PTPRO: variants seen among roughly 807,000 people sequenced by gnomAD.
The protein encoded by PTPRO is protein tyrosine phosphatase receptor type O, also known as receptor-type tyrosine-protein phosphatase O.
PTPRO carries 62 observed loss-of-function variants against 145.2 expected under a neutral mutation model. The observed-to-expected ratio is 0.43, with a 90% CI of 0.35 to 0.53. The LOEUF is 0.53. PTPRO is among the 20% of genes least tolerant of loss of function. PTPRO has a pLI of 0.01. For synonymous variants in PTPRO, 565 were observed against 514.7 expected, an observed-to-expected ratio of 1.10 and a Z score of -1.32; for missense variants, 1,345 against 1,482.7, an observed-to-expected ratio of 0.91 and a Z score of 1.53.
At chr12:15,550,269 C>A (rs1232147200) in intron 14 of PTPRO, among the ~76,000 whole-genome samples, 1 of 152,040 alleles carries the variant, frequency 6.6e-6, no homozygotes, top group African/African-American at 2.4e-5. Flanking sequence ...TTGAGAAAAT[C>A]GTAAGGAAGA....
intron 11 of PTPRO, among the ~76,000 whole-genome samples, chr12:15,525,550 G>A (rs936202000): frequency 6.6e-6 from 1 of 152,180 alleles, no homozygotes; most frequent in African/African-American, 2.4e-5. Flanking sequence ...CTTGTCTCTA[G>A]AGAGGAAGCT....
chr12:15,486,405 G>C (rs1341237062), intron 2 of PTPRO, among the ~76,000 whole-genome samples: 1 of 152,002 alleles, frequency 6.6e-6, no homozygotes, highest in Non-Finnish European at 1.5e-5. Flanking sequence ...CCACCCTTTT[G>C]CTTTCAGCCT....
chr12:15,459,861 C>T (rs1016206891), intron 1 of PTPRO, among the ~76,000 whole-genome samples: 2 of 152,128 alleles, frequency 1.3e-5, no homozygotes, highest in Non-Finnish European at 2.9e-5. Context: ...AATCACAAAG[C>T]TGGTAAGAGG....
At chr12:15,453,714 C>T (rs1248915421) in intron 1 of PTPRO, among the ~76,000 whole-genome samples, 1 of 152,086 alleles carries the variant, frequency 6.6e-6, no homozygotes, top group Non-Finnish European at 1.5e-5. Flanking sequence ...ACTTTATAGC[C>T]TTTAAAATAG....
At chr12:15,350,363 C>T (rs1937762315) in intron 1 of PTPRO, among the ~76,000 whole-genome samples, 6 of 152,144 alleles carry the variant, frequency 3.9e-5, no homozygotes. Context: ...TACAGCTCTG[C>T]TGCATTAACA....
intron 20 of PTPRO, 131 bp downstream of exon 20, chr12:15,579,074 T>C (rs1007492604): frequency 5.4e-6 from 4 of 740,686 alleles, no homozygotes; most frequent in Non-Finnish European, 9.6e-6. Flanking sequence ...CGTCTGAGAT[T>C]GCATTGATCT....
intron 1 of PTPRO, among the ~76,000 whole-genome samples, chr12:15,421,592 C>G (rs568361064): frequency 1.3e-5 from 2 of 152,256 alleles, no homozygotes; most frequent in African/African-American, 4.8e-5. Flanking sequence ...GTTTTTACTT[C>G]ATTGACTGGT....
chr12:15,399,520 C>G lies in PTPRO; in HGVS notation c.75+76719C>G, dbSNP rs57752457. On this transcript the variant is annotated intron_variant, in intron 1 of 26. Transcript: ENST00000281171. ...TCTCATAGATCCAGACTTTGTCCCA[C>G]TAATCTAGAAGCACTTTGAAGGCAG... is the stretch of plus-strand genomic sequence containing the variant. Among the ~76,000 whole-genome samples, 442 of 152,328 alleles carry G rather than the reference C, an allele frequency of 2.9e-3. 4 individuals carry two copies. Among genetic ancestry groups the G allele is most frequent in the African/African-American group, 0.01 (426 of 41,576 alleles).
At chr12:15,361,263 C>A (rs544070273) in intron 1 of PTPRO, among the ~76,000 whole-genome samples, 44 of 151,118 alleles carry the variant, frequency 2.9e-4, no homozygotes, top group Admixed American at 4.6e-4. Context: ...TGGTGAAAAC[C>A]CATCTTTACT....
intron 7 of PTPRO, 62 bp from the exon 8 acceptor site, chr12:15,515,436 C>A: frequency 6.3e-7 from 1 of 1,590,254 alleles, no homozygotes; most frequent in Non-Finnish European, 8.6e-7. Context: ...ATTATACCAG[C>A]CTCTGTGTAA....
Position 15,581,871 on chromosome 12 carries a change from G to C in PTPRO, c.3255+70G>C, listed in dbSNP as rs549410731. 106 of 1,601,492 alleles carry C rather than the reference G, an allele frequency of 6.6e-5. No individual in the cohort carries two copies. In the African/African-American group the frequency reaches 1.2e-3, roughly 19 times the overall value. The stretch of plus-strand genomic sequence containing the variant: ...CTGCTGAGACCAGTTTGGTCGGGGA[G>C]ACCCTAACCCAGCGGCGCTAGAGGA... On this transcript the variant is annotated intron_variant, in intron 23 of 26. Transcript: ENST00000281171.
chr12:15,556,850 G>A (rs12423969), intron 15 of PTPRO, among the ~76,000 whole-genome samples: 29 of 152,198 alleles, frequency 1.9e-4, no homozygotes, highest in Admixed American at 1.9e-3. Context: ...ACCCCAAATA[G>A]TTCAAATATT....
At chr12:15,472,954 C>T (rs1194377579) in intron 1 of PTPRO, among the ~76,000 whole-genome samples, 1 of 152,148 alleles carries the variant, frequency 6.6e-6, no homozygotes, top group Non-Finnish European at 1.5e-5. Flanking sequence ...TCAGAGGAAC[C>T]ACTCTGGATG....
rs534611271 is a variant in PTPRO, at chr12:15,560,618, A to G, written c.2711+342A>G. On this transcript the variant is annotated intron_variant, in intron 17 of 26. Transcript: ENST00000281171. ...ATCCATTAGAGAGCTCCAAATTTCC[A>G]AGAAGGTAGAAATGCATTAAGATGG... Among the ~76,000 whole-genome samples the G allele has an allele frequency of 1.2e-4, 19 of 152,182 alleles. No homozygotes were observed. The East Asian group carries it at 3.7e-3, about 29-fold the overall frequency.
chr12:15,535,786 G>A (rs1054401563), intron 12 of PTPRO, among the ~76,000 whole-genome samples: 5 of 152,030 alleles, frequency 3.3e-5, no homozygotes, highest in Non-Finnish European at 5.9e-5. Context: ...GTGACTTTCC[G>A]TTCCTCTTTG....
At chr12:15,467,946 C>G (rs1941454450) in intron 1 of PTPRO, among the ~76,000 whole-genome samples, 2 of 152,224 alleles carry the variant, frequency 1.3e-5, no homozygotes, top group Non-Finnish European at 2.9e-5. Flanking sequence ...TATTTCCAGT[C>G]TTGAATGTCC....
At chr12:15,426,724 A>AT (rs899044702) in intron 1 of PTPRO, among the ~76,000 whole-genome samples, 2 of 151,982 alleles carry the variant, frequency 1.3e-5, no homozygotes, top group African/African-American at 4.8e-5. Context: ...AAATTCAAAG[A>AT]TTTTACCCAA....
intron 1 of PTPRO, among the ~76,000 whole-genome samples, chr12:15,352,665 A>AAG (rs1937848532): frequency 3.2e-5 from 3 of 95,018 alleles, no homozygotes; most frequent in East Asian, 5.0e-4. Flanking sequence ...AAAAAAAAAA[A>AAG]AAAGAAAGAA....
At chr12:15,345,892 A>G (rs1187720694) in intron 1 of PTPRO, among the ~76,000 whole-genome samples, 2 of 152,114 alleles carry the variant, frequency 1.3e-5, no homozygotes, top group African/African-American at 4.8e-5. Context: ...TAGCTTACAG[A>G]TCAAATCTGA....
Sources: gnomAD v4.1 joint callset for allele counts (sites outside exome capture counted in the v4.1 genomes callset) on GRCh38, gnomAD v4.1.1 for gene constraint, MANE v1.5 for transcripts, NCBI Gene and HGNC (gene_info 2026-07-23, HGNC 2026-07-21) for gene names.